MTFR1: variants seen among roughly 807,000 people sequenced by gnomAD.
MTFR1 encodes the protein mitochondrial fission regulator 1.
Under a neutral mutation model 38.8 loss-of-function variants are expected in MTFR1, and 28 were observed. The observed-to-expected ratio is 0.72, with a 90% CI of 0.53 to 0.99. The LOEUF (loss-of-function observed/expected upper bound fraction) is 0.99. Ranked by LOEUF, MTFR1 falls within the 50% of genes least tolerant of loss-of-function variation. The pLI is 0.00. For synonymous variants in MTFR1, 145 were observed against 137.0 expected (o/e 1.06, Z -0.41); for missense variants, 358 against 395.5 (o/e 0.91, Z 0.81).
intron 3 of MTFR1, among the ~76,000 whole-genome samples, chr8:65,690,192 A>G (rs562880386): frequency 1.3e-5 from 2 of 152,272 alleles, no homozygotes; most frequent in Non-Finnish European, 2.9e-5. Context: ...ACTATTTATG[A>G]TATCCTGAAA....
chr8:65,734,053 A>C lies in MTFR1; in HGVS notation c.*48+14572A>C, dbSNP rs577241185. On this transcript the variant is annotated intron_variant, in intron 3 of 3. Coordinates refer to the MTFR1 transcript ENST00000521247. The stretch of plus-strand genomic sequence containing the variant: ...AAGTCTGATTTCTCTTCTATACTTC[A>C]GACTCTTTTATGTAACTCTATACTA... Among the ~76,000 whole-genome samples the C allele has an allele frequency of 1.8e-3, 274 of 152,294 alleles. 1 individual carries two copies. The highest frequency in any genetic ancestry group is 5.9e-3 in the African/African-American group (244 of 41,570).
chr8:65,646,220 T>G (rs1332174603), intron 1 of MTFR1, among the ~76,000 whole-genome samples: 7 of 152,212 alleles, frequency 4.6e-5, no homozygotes, highest in Non-Finnish European at 1.5e-5. Context: ...GAAGTAGGTA[T>G]TATTATCCCC....
At chr8:65,724,948 A>G in intron 3 of MTFR1, 2 of 1,491,808 alleles carry the variant, frequency 1.3e-6, no homozygotes, top group East Asian at 2.3e-5. Context: ...ATAAAGAGAA[A>G]ATATAAGACT....
intron 3 of MTFR1, among the ~76,000 whole-genome samples, chr8:65,762,166 T>C (rs971243882): frequency 3.9e-5 from 6 of 152,212 alleles, no homozygotes; most frequent in Non-Finnish European, 8.8e-5. Context: ...AAGGTCATGT[T>C]GAATGGCGCT....
chr8:65,675,609 AAAC>A (rs375457588), intron 2 of MTFR1, among the ~76,000 whole-genome samples: 2 of 152,216 alleles, frequency 1.3e-5, no homozygotes, highest in African/African-American at 2.4e-5. Flanking sequence ...AAAAACAAAC[AAAC>A]AACAACAAAA....
intron 3 of MTFR1, among the ~76,000 whole-genome samples, chr8:65,760,774 A>G (rs1808448713): frequency 6.6e-6 from 1 of 152,194 alleles, no homozygotes; most frequent in Non-Finnish European, 1.5e-5. Context: ...CTAGACTCCT[A>G]TTATGGGGAA....
intron 1 of MTFR1, among the ~76,000 whole-genome samples, chr8:65,667,894 G>A (rs183953138): frequency 2.0e-4 from 30 of 152,202 alleles, no homozygotes; most frequent in African/African-American, 7.2e-4. Flanking sequence ...ACTTCATCCT[G>A]TTTTCCCCCA....
At chr8:65,689,712 T>C (rs1805214752) in intron 3 of MTFR1, 1 of 578,506 alleles carries the variant, frequency 1.7e-6, no homozygotes, top group Non-Finnish European at 2.5e-6. Flanking sequence ...CCTTGACTTG[T>C]ACTTTACTAA....
intron 3 of MTFR1, among the ~76,000 whole-genome samples, chr8:65,735,240 G>T (rs964698501): frequency 2.0e-5 from 3 of 152,166 alleles, no homozygotes; most frequent in Admixed American, 2.0e-4. Context: ...CGCCGAGTGA[G>T]CGGGACAGAC....
At chr8:65,739,420 A>G (rs1373117760) in intron 3 of MTFR1, 2 of 1,404,804 alleles carry the variant, frequency 1.4e-6, no homozygotes, top group Non-Finnish European at 1.9e-6. Flanking sequence ...GCAATAGCTA[A>G]CCGATATAAC....
intron 3 of MTFR1, among the ~76,000 whole-genome samples, chr8:65,743,239 A>T (rs1807520274): frequency 6.6e-6 from 1 of 152,152 alleles, no homozygotes; most frequent in Non-Finnish European, 1.5e-5. Flanking sequence ...GGAAAGGGGA[A>T]TTTCCCTGAG....
At chr8:65,711,485 C>T (rs149615648), downstream of MTFR1, among the ~76,000 whole-genome samples, 222 of 152,224 alleles carry the variant, frequency 1.5e-3, no homozygotes, top group Non-Finnish European at 2.5e-3. Flanking sequence ...CCAACAAAGT[C>T]AGCGCTGGGA....
chr8:65,660,695 T>C (rs901343698), intron 1 of MTFR1, among the ~76,000 whole-genome samples: 3 of 152,210 alleles, frequency 2.0e-5, no homozygotes, highest in Admixed American at 6.5e-5. Flanking sequence ...TTTCTATGTA[T>C]CTATATTTTG....
intron 1 of MTFR1, among the ~76,000 whole-genome samples, chr8:65,650,587 A>G (rs1360188334): frequency 1.3e-5 from 2 of 152,184 alleles, no homozygotes; most frequent in African/African-American, 4.8e-5. Flanking sequence ...GCTTAACATA[A>G]TATCCTCCAG....
At chr8:65,714,671 A>C (rs1433956222), downstream of MTFR1, 1 of 152,216 alleles carries the variant, frequency 6.6e-6, no homozygotes, top group Non-Finnish European at 1.5e-5. Context: ...ATCAGGAGAT[A>C]CCGATTGAGG....
chr8:65,670,717 T>C (rs1804545606), intron 2 of MTFR1, among the ~76,000 whole-genome samples: 1 of 151,954 alleles, frequency 6.6e-6, no homozygotes, highest in South Asian at 2.1e-4. Flanking sequence ...CTTTTTTTTT[T>C]TTTTGAACAG....
At chr8:65,759,793 A>C (rs981268553) in intron 3 of MTFR1, among the ~76,000 whole-genome samples, 1 of 152,120 alleles carries the variant, frequency 6.6e-6, no homozygotes, top group Non-Finnish European at 1.5e-5. Flanking sequence ...AGAATGGGGA[A>C]AGGTTGCATG....
intron 3 of MTFR1, chr8:65,734,832 C>T (rs144105167): frequency 2.8e-5 from 45 of 1,611,236 alleles, no homozygotes; most frequent in Non-Finnish European, 3.7e-5. Flanking sequence ...GCCTGAGTAA[C>T]ATCCGCAGCG....
At chr8:65,655,008 AG>A (rs1809217330) in intron 1 of MTFR1, among the ~76,000 whole-genome samples, 1 of 152,340 alleles carries the variant, frequency 6.6e-6, no homozygotes, top group South Asian at 2.1e-4. Context: ...TTGACTGCCA[AG>A]TACTTTATTT....
Sources: gnomAD v4.1 joint callset for allele counts (sites outside exome capture counted in the v4.1 genomes callset) on GRCh38, gnomAD v4.1.1 for gene constraint, MANE v1.5 for transcripts, NCBI Gene and HGNC (gene_info 2026-07-23, HGNC 2026-07-21) for gene names.